The following CENPW variants were observed in gnomAD, a reference collection of about 807,000 sequenced individuals.
CENPW encodes the protein cancer-up-regulated gene 2 protein.
CENPW carries 3 observed loss-of-function variants against 11.1 expected under a neutral mutation model. The observed-to-expected ratio is 0.27, with a 90% CI of 0.12 to 0.70. CENPW has a LOEUF of 0.70. Ranked by LOEUF, CENPW falls within the 30% of genes least tolerant of loss-of-function variation. The pLI, the probability that CENPW is intolerant of heterozygous loss-of-function variation, is 0.77. For synonymous variants in CENPW, 38 were observed against 42.0 expected, an observed-to-expected ratio of 0.91 and a Z score of 0.37; for missense variants, 100 against 105.6, an observed-to-expected ratio of 0.95 and a Z score of 0.23.
the CENPW span, among the ~76,000 whole-genome samples, chr6:126,403,659 G>T: frequency 6.6e-6 from 1 of 152,062 alleles, no homozygotes; most frequent in East Asian, 1.9e-4. Flanking sequence ...AAAAGTACAA[G>T]ATGAAACAGT....
intron 2 of CENPW, among the ~76,000 whole-genome samples, chr6:126,346,824 G>A (rs569856219): frequency 1.3e-5 from 2 of 152,234 alleles, no homozygotes; most frequent in East Asian, 3.9e-4. Context: ...TTTGGGTGTG[G>A]ACAGAAAGCC....
the CENPW span, among the ~76,000 whole-genome samples, chr6:126,468,368 C>T: frequency 0.012 from 1,443 of 121,618 alleles, 19 homozygotes; most frequent in African/African-American, 0.043. Context: ...TGCAATGAGC[C>T]GAAATAGCGC....
chr6:126,378,330 GT>G, the CENPW span, among the ~76,000 whole-genome samples: 1 of 151,922 alleles, frequency 6.6e-6, no homozygotes, highest in Non-Finnish European at 1.5e-5. Context: ...CACTTGTAGA[GT>G]TTTCTATCAT....
At chr6:126,396,545 A>G in the CENPW span, among the ~76,000 whole-genome samples, 1 of 152,044 alleles carries the variant, frequency 6.6e-6, no homozygotes, top group Non-Finnish European at 1.5e-5. Context: ...CCTCTATCAC[A>G]CTGTGATCAA....
chr6:126,386,655 C>T, the CENPW span, among the ~76,000 whole-genome samples: 16 of 151,670 alleles, frequency 1.1e-4, no homozygotes, highest in Admixed American at 7.9e-4. Context: ...TCCAAACTGA[C>T]CAGCTGCTTT....
At chr6:126,423,460 C>T in the CENPW span, among the ~76,000 whole-genome samples, 1 of 152,086 alleles carries the variant, frequency 6.6e-6, no homozygotes, top group East Asian at 1.9e-4. Context: ...AAATATTCAA[C>T]AGCATTTTTT....
downstream of CENPW, among the ~76,000 whole-genome samples, chr6:126,349,697 A>G (rs1780468927): frequency 6.6e-6 from 1 of 152,154 alleles, no homozygotes; most frequent in Non-Finnish European, 1.5e-5. Context: ...TTGTATAACT[A>G]TTCACTTAAA....
the CENPW span, among the ~76,000 whole-genome samples, chr6:126,459,778 A>G: frequency 6.6e-6 from 1 of 151,588 alleles, no homozygotes; most frequent in Non-Finnish European, 1.5e-5. Context: ...CACTCAACAG[A>G]CCATTAAACA....
chr6:126,409,909 T>C, the CENPW span, among the ~76,000 whole-genome samples: 94 of 151,970 alleles, frequency 6.2e-4, no homozygotes, highest in African/African-American at 8.4e-4. Context: ...CATTTATATA[T>C]AAATTATTAT....
At chr6:126,389,918 C>T in the CENPW span, among the ~76,000 whole-genome samples, 1 of 151,856 alleles carries the variant, frequency 6.6e-6, no homozygotes, top group Non-Finnish European at 1.5e-5. Flanking sequence ...CAACACTGGC[C>T]TGCAAGTAAA....
chr6:126,421,597 T>TA, the CENPW span, among the ~76,000 whole-genome samples: 1 of 146,144 alleles, frequency 6.8e-6, no homozygotes. Flanking sequence ...TTTTTTTTTT[T>TA]ACACCACATA....
chr6:126,369,362 T>G, the CENPW span, among the ~76,000 whole-genome samples: 4 of 152,358 alleles, frequency 2.6e-5, no homozygotes, highest in East Asian at 7.7e-4. Flanking sequence ...CTCCACACTT[T>G]TCCATAGTGG....
chr6:126,385,338 A>C, the CENPW span, among the ~76,000 whole-genome samples: 31 of 152,182 alleles, frequency 2.0e-4, no homozygotes, highest in African/African-American at 7.5e-4. Context: ...TCACAATAGC[A>C]AAGACATGAA....
chr6:126,461,685 T>C, the CENPW span, among the ~76,000 whole-genome samples: 1 of 151,934 alleles, frequency 6.6e-6, no homozygotes, highest in Non-Finnish European at 1.5e-5. Context: ...TACCATATTA[T>C]CTCTTTTGGC....
At chr6:126,374,130 T>A in the CENPW span, among the ~76,000 whole-genome samples, 6 of 152,156 alleles carry the variant, frequency 3.9e-5, no homozygotes, top group Non-Finnish European at 8.8e-5. Context: ...AAGAACAGCA[T>A]ATGCAAAAAT....
At chr6:126,416,325 G>A in the CENPW span, among the ~76,000 whole-genome samples, 26 of 152,214 alleles carry the variant, frequency 1.7e-4, no homozygotes, top group Middle Eastern at 3.4e-3. Flanking sequence ...AAGGCATTCC[G>A]TTTTATAAGG....
At chr6:126,448,904 T>C in the CENPW span, among the ~76,000 whole-genome samples, 1 of 151,142 alleles carries the variant, frequency 6.6e-6, no homozygotes, top group Non-Finnish European at 1.5e-5. Context: ...CTTTCATTAT[T>C]CATTCAAACT....
chr6:126,424,644 C>T, the CENPW span, among the ~76,000 whole-genome samples: 10 of 152,162 alleles, frequency 6.6e-5, no homozygotes, highest in African/African-American at 2.2e-4. Flanking sequence ...TACCACTGTT[C>T]GGGGTGCTGT....
the CENPW span, among the ~76,000 whole-genome samples, chr6:126,450,027 A>T: frequency 6.6e-6 from 1 of 151,062 alleles, no homozygotes; most frequent in Non-Finnish European, 1.5e-5. Flanking sequence ...TAGTTCTTTC[A>T]AGTAAAAGAT....
Sources: gnomAD v4.1 joint callset for allele counts (sites outside exome capture counted in the v4.1 genomes callset) on GRCh38, gnomAD v4.1.1 for gene constraint, MANE v1.5 for transcripts, NCBI Gene and HGNC (gene_info 2026-07-23, HGNC 2026-07-21) for gene names.